VPS13B: variants seen among roughly 807,000 people sequenced by gnomAD.
The protein encoded by VPS13B is intermembrane lipid transfer protein VPS13B.
VPS13B carries 285 observed loss-of-function variants against 426.4 expected under a neutral mutation model. The ratio of observed to expected loss-of-function variants is 0.67; its 90% CI spans 0.61 to 0.74. The LOEUF (loss-of-function observed/expected upper bound fraction) is 0.74. Among genes scored for constraint, VPS13B ranks in the 30% least tolerant of loss-of-function variants. VPS13B has a pLI of 0.00. For missense variants in VPS13B, 4,537 were observed against 4,782.6 expected (o/e 0.95, Z 1.51); for synonymous variants, 1,676 against 1,676.4 (o/e 1.00, Z 0.01).
chr8:99,846,167 G>T (rs376780751), intron 54 of VPS13B, among the ~76,000 whole-genome samples: 285 of 152,330 alleles, frequency 1.9e-3, no homozygotes, highest in African/African-American at 6.1e-3. Flanking sequence ...GGCACTGGTT[G>T]TAAGTACTGA....
At chr8:99,779,465 G>T (rs1342068304) in intron 42 of VPS13B, among the ~76,000 whole-genome samples, 1 of 152,038 alleles carries the variant, frequency 6.6e-6, no homozygotes, top group Non-Finnish European at 1.5e-5. Flanking sequence ...AACAAAAAAA[G>T]CAGCGAGATG....
At chr8:99,170,772 A>C (rs1226265757) in intron 16 of VPS13B, among the ~76,000 whole-genome samples, 1 of 151,634 alleles carries the variant, frequency 6.6e-6, no homozygotes, top group African/African-American at 2.4e-5. Flanking sequence ...AATGCTTTTA[A>C]TATATTGTTT....
At chr8:99,349,134 C>T (rs1811715874) in intron 19 of VPS13B, among the ~76,000 whole-genome samples, 1 of 150,418 alleles carries the variant, frequency 6.6e-6, no homozygotes, top group South Asian at 2.1e-4. Flanking sequence ...GAGATCGAGA[C>T]CATCCCGGCT....
chr8:99,618,894 T>G (rs940301702), intron 33 of VPS13B, among the ~76,000 whole-genome samples: 1 of 152,206 alleles, frequency 6.6e-6, no homozygotes, highest in Non-Finnish European at 1.5e-5. Context: ...TTAGCTCTTG[T>G]AAAACCCAGA....
intron 12 of VPS13B, among the ~76,000 whole-genome samples, chr8:99,140,390 A>G (rs1327262638): frequency 1.3e-5 from 2 of 149,490 alleles, no homozygotes; most frequent in Non-Finnish European, 3.0e-5. Context: ...AAAAAAAAAA[A>G]GGAAGTAAAT....
chr8:99,430,594 G>A (rs536993984), intron 21 of VPS13B, among the ~76,000 whole-genome samples: 2 of 151,764 alleles, frequency 1.3e-5, no homozygotes, highest in Non-Finnish European at 1.5e-5. Flanking sequence ...TCTTTACTTG[G>A]AAGAACAAAA....
chr8:99,546,301 T>C (rs1393490502), intron 30 of VPS13B, among the ~76,000 whole-genome samples: 1 of 152,034 alleles, frequency 6.6e-6, no homozygotes, highest in African/African-American at 2.4e-5. Flanking sequence ...TCAATTCTAA[T>C]CTGTTGCCTT....
At chr8:99,555,645 C>T (rs1407922185) in intron 30 of VPS13B, among the ~76,000 whole-genome samples, 2 of 152,150 alleles carry the variant, frequency 1.3e-5, no homozygotes, top group African/African-American at 4.8e-5. Context: ...TTTTCTCTGG[C>T]TCTCAAACTT....
Position 99,776,771 on chromosome 8 carries a change from A to T in VPS13B, c.7248-4A>T. On this transcript the variant is annotated splice_polypyrimidine_tract_variant and splice_region_variant and intron_variant, in intron 40 of 61. Transcript: ENST00000357162. Reference sequence around the variant, plus strand: ...GAACTTCTTTTATCACTTCTTTCCCATAGCTCTGCAAGTGAGTCTGGTTCT... The same window carrying T: ...GAACTTCTTTTATCACTTCTTTCCCTTAGCTCTGCAAGTGAGTCTGGTTCT... The T allele has an allele frequency of 6.2e-7, 1 of 1,614,032 alleles. No individual in the cohort carries two copies. The highest frequency in any genetic ancestry group is 8.5e-7 in the Non-Finnish European group (1 of 1,179,938).
rs190597074 is a variant in VPS13B, at chr8:99,807,893, C to T, written c.7942-1482C>T. Among the ~76,000 whole-genome samples the T allele has an allele frequency of 3.7e-3, 525 of 141,896 alleles. 2 individuals are homozygous for T. The highest frequency in any genetic ancestry group is 6.0e-3 in the Non-Finnish European group (391 of 65,626). The allele number at this position is 141,896 out of a possible 152,430, so 93.1% of individuals were successfully genotyped here. A position where few individuals can be genotyped will look rare whatever the true frequency, so the allele number is the denominator to read the frequency against. On this transcript the variant is annotated intron_variant, in intron 43 of 61. Transcript: ENST00000357162. ...AGATTTAAAAAAAAAAAAAAAAAAG[C>T]CCTATCTTAACATCGAAAACGTATG... is the stretch of plus-strand genomic sequence containing the variant.
chr8:99,442,388 T>G lies in VPS13B; in HGVS notation c.3211-13T>G, dbSNP rs772664030. On this transcript the variant is annotated splice_polypyrimidine_tract_variant and intron_variant, in intron 22 of 61. Coordinates refer to ENST00000357162, the MANE Select transcript of VPS13B (RefSeq NM_152564.5). ...TCTAATCCGAATATTTTAATTCTGCTTTTCTTTTCTAGCTTGAAGTACAAT... is the reference window on the plus strand; with the variant it reads ...TCTAATCCGAATATTTTAATTCTGCGTTTCTTTTCTAGCTTGAAGTACAAT... The G allele has an allele frequency of 6.2e-7, 1 of 1,609,542 alleles. No individual in the cohort carries two copies. The highest frequency in any genetic ancestry group is 1.3e-5 in the African/African-American group (1 of 74,914).
intron 43 of VPS13B, among the ~76,000 whole-genome samples, chr8:99,786,184 G>A: frequency 6.6e-6 from 1 of 152,102 alleles, no homozygotes; most frequent in South Asian, 2.1e-4. Context: ...CAGCAGGAAA[G>A]AATGAATAGA....
At chr8:99,281,703 C>T (rs200724700) in intron 19 of VPS13B, among the ~76,000 whole-genome samples, 3 of 152,328 alleles carry the variant, frequency 2.0e-5, no homozygotes, top group East Asian at 3.9e-4. Flanking sequence ...CTTCTGCAGC[C>T]TTCATGAAAC....
chr8:99,063,488 C>T (rs927190162), intron 3 of VPS13B, among the ~76,000 whole-genome samples: 2 of 152,206 alleles, frequency 1.3e-5, no homozygotes, highest in African/African-American at 2.4e-5. Flanking sequence ...AGTCTGAGAT[C>T]GACCTGCAAG....
chr8:99,334,647 G>A (rs372399765), intron 19 of VPS13B, among the ~76,000 whole-genome samples: 47 of 152,220 alleles, frequency 3.1e-4, no homozygotes, highest in African/African-American at 1.0e-3. Context: ...TTTATATGCT[G>A]GATTACATTT....
intron 30 of VPS13B, among the ~76,000 whole-genome samples, chr8:99,551,903 G>A (rs528967647): frequency 2.0e-5 from 3 of 151,944 alleles, no homozygotes; most frequent in Admixed American, 2.0e-4. Flanking sequence ...TGGATTTAGG[G>A]CTTGGCATTT....
intron 36 of VPS13B, among the ~76,000 whole-genome samples, chr8:99,711,393 A>G (rs1287180177): frequency 1.3e-5 from 2 of 152,214 alleles, no homozygotes; most frequent in African/African-American, 2.4e-5. Context: ...CTTTCTGGCA[A>G]TGGCTGTTCC....
intron 3 of VPS13B, among the ~76,000 whole-genome samples, chr8:99,062,617 C>T (rs555879890): frequency 9.7e-4 from 148 of 152,104 alleles, no homozygotes; most frequent in African/African-American, 3.2e-3. Context: ...TACAGGCATG[C>T]GCCACCACGC....
At chr8:99,135,248 G>A in intron 10 of VPS13B, 111 bp downstream of exon 10, 1 of 1,445,324 alleles carries the variant, frequency 6.9e-7, no homozygotes, top group East Asian at 2.4e-5. Context: ...TCAGGCTTGA[G>A]AGAGGAGCTT....
Sources: allele counts gnomAD v4.1 joint callset (sites outside exome capture counted in the v4.1 genomes callset), GRCh38; gene constraint gnomAD v4.1.1; transcripts MANE v1.5; gene names NCBI Gene and HGNC (gene_info 2026-07-23, HGNC 2026-07-21).